ZNF337: variants seen among roughly 807,000 people sequenced by gnomAD.
ZNF337 encodes zinc finger protein 337.
A neutral mutation model predicts 12.1 loss-of-function variants in ZNF337; 8 were observed. The ratio of observed to expected loss-of-function variants is 0.66; its 90% CI spans 0.39 to 1.19. ZNF337 has a LOEUF of 1.19. Among genes scored for constraint, ZNF337 ranks in the 50% most tolerant of loss-of-function variants. The pLI, the probability that ZNF337 is intolerant of heterozygous loss-of-function variation, is 0.01. For missense variants in ZNF337, 882 were observed against 896.6 expected, an observed-to-expected ratio of 0.98 and a Z score of 0.21; for synonymous variants, 336 against 320.0, an observed-to-expected ratio of 1.05 and a Z score of -0.53.
chr20:25,674,665 TG>T lies in ZNF337; in HGVS notation c.*366del. ...TAGATTGTTTGCAGTCCAAGGAGGT[TG>T]GGGAGAGTGTAACAGGCCTGCCTTG... On this transcript the variant is annotated 3_prime_UTR_variant, in exon 5 of 5. Transcript: ENST00000252979. 1 of 226,702 alleles carries T rather than the reference TG, an allele frequency of 4.4e-6. No homozygotes were observed. The highest frequency in any genetic ancestry group is 8.7e-6 in the Non-Finnish European group (1 of 115,232). The allele number at this position is 226,702 out of a possible 1,614,324, so 14.0% of individuals were successfully genotyped here. A position where few individuals can be genotyped will look rare whatever the true frequency, so the allele number is the denominator to read the frequency against.
At chr20:25,677,174 A>G in intron 4 of ZNF337, 137 bp from the exon 5 acceptor site, 1 of 769,436 alleles carries the variant, frequency 1.3e-6, no homozygotes, top group South Asian at 2.1e-5. Flanking sequence ...TTCTCAAACT[A>G]TTCCAAAAAA....
intron 1 of ZNF337, among the ~76,000 whole-genome samples, chr20:25,696,100 C>CA (rs1491108359): frequency 8.2e-6 from 1 of 121,688 alleles, no homozygotes; most frequent in Admixed American, 8.0e-5. Flanking sequence ...CCCCCCCCCC[C>CA]CACCAAAACA....
Position 25,676,744 on chromosome 20 carries a change from ACTTGAATGCTCCCCAT to A in ZNF337, c.528_543del (p.Arg176SerfsTer13). 1 of 1,614,198 alleles carries A rather than the reference ACTTGAATGCTCCCCAT, an allele frequency of 6.2e-7. No individual in the cohort carries two copies. Among genetic ancestry groups the A allele is most frequent in the African/African-American group, 1.3e-5 (1 of 75,054 alleles). Reference sequence around the variant, plus strand: ...CTGAAGTCTTGCCCACGCTCTGCACACTTGAATGCTCCCCATCTTGAATTTTCTATTCCTTTCAATA... The same window carrying A: ...CTGAAGTCTTGCCCACGCTCTGCACACTTGAATTTTCTATTCCTTTCAATA... On this transcript the variant is annotated frameshift_variant, in exon 5 of 5. Transcript: ENST00000252979. LOFTEE classifies it low-confidence loss of function (END_TRUNC).
At chr20:25,680,291 A>T (rs995007339) in intron 4 of ZNF337, among the ~76,000 whole-genome samples, 1 of 152,152 alleles carries the variant, frequency 6.6e-6, no homozygotes, top group Non-Finnish European at 1.5e-5. Flanking sequence ...AGAAATGATA[A>T]ATATTTGAGG....
chr20:25,693,610 A>G (rs1445590393), intron 1 of ZNF337, among the ~76,000 whole-genome samples: 1 of 152,214 alleles, frequency 6.6e-6, no homozygotes, highest in Non-Finnish European at 1.5e-5. Context: ...TGTAGGGACA[A>G]TGATGGAAGT....
intron 1 of ZNF337, among the ~76,000 whole-genome samples, chr20:25,695,176 CAGG>C (rs1300236177): frequency 2.6e-5 from 4 of 152,164 alleles, no homozygotes; most frequent in African/African-American, 4.8e-5. Context: ...GAGGCTGAGG[CAGG>C]AGAACTGCTC....
intron 4 of ZNF337, among the ~76,000 whole-genome samples, chr20:25,682,125 A>G (rs953633664): frequency 6.6e-6 from 1 of 152,218 alleles, no homozygotes; most frequent in Non-Finnish European, 1.5e-5. Flanking sequence ...CTCAAAATAT[A>G]TATGCCATGA....
At position 25,676,519 on chromosome 20, in the gene ZNF337, TC is replaced by T. The variant is rs2065694847; in HGVS notation, c.768del (p.Thr257HisfsTer55). The T allele has an allele frequency of 3.1e-6, 5 of 1,613,928 alleles. No homozygotes were observed. Among genetic ancestry groups the T allele is most frequent in the Non-Finnish European group, 4.2e-6 (5 of 1,180,004 alleles). On this transcript the variant is annotated frameshift_variant, in exon 5 of 5. Transcript: ENST00000252979. LOFTEE classifies it low-confidence loss of function (END_TRUNC). ...SLKANLLRHQ[R>X]THSGEKPFLC... ...AGAAAAGGCTTCTCTCCTGAGTGTGTCCTCTGGTGTCTGAGGAGGTTGGCCT... is the reference window on the plus strand; with the variant it reads ...AGAAAAGGCTTCTCTCCTGAGTGTGTCTCTGGTGTCTGAGGAGGTTGGCCT...
At chr20:25,682,186 C>CG (rs1257667195) in intron 4 of ZNF337, among the ~76,000 whole-genome samples, 1 of 151,910 alleles carries the variant, frequency 6.6e-6, no homozygotes, top group African/African-American at 2.4e-5. Context: ...ATCTTAGGAA[C>CG]TAATATTAAT....
chr20:25,682,048 A>T (rs2065775187), intron 4 of ZNF337, among the ~76,000 whole-genome samples: 1 of 152,162 alleles, frequency 6.6e-6, no homozygotes, highest in Non-Finnish European at 1.5e-5. Context: ...TATCCACCAA[A>T]ATATAATTGT....
chr20:25,676,683 T>C lies in ZNF337; in HGVS notation c.605A>G (p.His202Arg). The change falls in exon 5 of 5, where the codon CAT becomes CGT. Residue 202 changes from histidine to arginine, a missense_variant. His to Arg is a conservative substitution (Grantham distance 29, BLOSUM62 0). Transcript: ENST00000252979. ...KMMVIIHKKAHSRQKLFTCRE... is the reference protein window; with the variant it reads ...KMMVIIHKKARSRQKLFTCRE... ...GCATGTAAAAAGTTTCTGCCTGGAA[T>C]GTGCTTTTTTGTGTATGATTACCAT... The C allele has an allele frequency of 6.2e-7, 1 of 1,614,238 alleles. No homozygotes were observed. The highest frequency in any genetic ancestry group is 8.5e-7 in the Non-Finnish European group (1 of 1,180,050).
In ZNF337 at chr20:25,675,070, G is replaced by A. The variant is rs769931874; in HGVS notation, c.2218C>T (p.Arg740Cys). 5.8e-5 allele frequency: 93 copies of A among 1,613,846 alleles called. No individual in the cohort carries two copies. Among genetic ancestry groups the A allele is most frequent in the Admixed American group, 1.3e-4 (8 of 59,990 alleles). The change falls in exon 5 of 5, where the codon CGT becomes TGT. Residue 740 changes from arginine to cysteine, a missense_variant. Coordinates refer to ENST00000252979, the MANE Select transcript of ZNF337 (RefSeq NM_015655.4). Reference sequence around the variant, plus strand: ...TCACCCACACTCCCTGTACAAAAACGCTTCTCACGTAAGTGTCTCTTTAAG... The same window carrying A: ...TCACCCACACTCCCTGTACAAAAACACTTCTCACGTAAGTGTCTCTTTAAG... ...KHLKRHLREKRFCTGSVGEAS... is the reference protein window; with the variant it reads ...KHLKRHLREKCFCTGSVGEAS...
chr20:25,679,177 T>A (rs2065740256), intron 4 of ZNF337, among the ~76,000 whole-genome samples: 1 of 152,094 alleles, frequency 6.6e-6, no homozygotes, highest in African/African-American at 2.4e-5. Context: ...CAAAATAGAT[T>A]AAAGACTTAA....
At chr20:25,694,089 C>A (rs560202356) in intron 1 of ZNF337, among the ~76,000 whole-genome samples, 1 of 152,162 alleles carries the variant, frequency 6.6e-6, no homozygotes, top group African/African-American at 2.4e-5. Flanking sequence ...CATATCCTGT[C>A]GGTGCTTCCA....
chr20:25,694,753 T>C (rs1213774638), intron 1 of ZNF337, among the ~76,000 whole-genome samples: 3 of 152,186 alleles, frequency 2.0e-5, no homozygotes, highest in Non-Finnish European at 4.4e-5. Context: ...AGGCTCACTT[T>C]CCAACCTGAC....
chr20:25,689,744 A>G (rs1019293862), intron 1 of ZNF337, among the ~76,000 whole-genome samples: 11 of 152,242 alleles, frequency 7.2e-5, no homozygotes, highest in African/African-American at 2.7e-4. Flanking sequence ...AGAACTACCC[A>G]TGGTTTTAAA....
rs540103666 is a variant in ZNF337 at position 25,676,239 on chromosome 20, C to T, written c.1049G>A (p.Cys350Tyr). ...GCTAAAGCCTCGGCCACACTCCTGG[C>T]ATCTGTAAGGCTTCTCTCCTGAGTG... ...RIHSGEKPYR[C>Y]QECGRGFSNK... The change falls in exon 5 of 5, where the codon TGC becomes TAC. Residue 350 changes from cysteine to tyrosine, a missense_variant. By Grantham distance (194) the Cys-to-Tyr change is radical. Coordinates refer to ENST00000252979, the MANE Select transcript of ZNF337 (RefSeq NM_015655.4). 1.2e-6 allele frequency: 2 copies of T among 1,614,074 alleles called. No homozygotes were observed. Among genetic ancestry groups the T allele is most frequent in the Non-Finnish European group, 1.7e-6 (2 of 1,179,996 alleles).
intron 4 of ZNF337, among the ~76,000 whole-genome samples, chr20:25,679,988 G>C (rs1157617934): frequency 2.0e-5 from 3 of 152,026 alleles, no homozygotes; most frequent in African/African-American, 7.2e-5. Context: ...TAAGAATACT[G>C]CTGTCATTTA....
chr20:25,693,062 A>G (rs1030192938), intron 1 of ZNF337, among the ~76,000 whole-genome samples: 1 of 152,188 alleles, frequency 6.6e-6, no homozygotes, highest in Non-Finnish European at 1.5e-5. Context: ...ACTTGATCCC[A>G]GATATGTTAC....
Sources: gnomAD v4.1 joint callset for allele counts (sites outside exome capture counted in the v4.1 genomes callset) on GRCh38, gnomAD v4.1.1 for gene constraint, MANE v1.5 for transcripts, NCBI Gene and HGNC (gene_info 2026-07-23, HGNC 2026-07-21) for gene names.